The following GABRG1 variants were observed in gnomAD, a reference collection of about 807,000 sequenced individuals.
GABRG1 encodes the protein gamma-aminobutyric acid receptor subunit gamma-1.
In GABRG1, 49 loss-of-function variants were observed where a neutral mutation model predicts 49.8. The ratio of observed to expected loss-of-function variants is 0.98; its 90% CI spans 0.78 to 1.25. GABRG1 has a LOEUF of 1.25. Among genes scored for constraint, GABRG1 ranks in the 50% most tolerant of loss-of-function variants. GABRG1 has a pLI of 0.00. For synonymous variants in GABRG1, 232 were observed against 185.1 expected (o/e 1.25, Z -2.06); for missense variants, 552 against 552.3 (o/e 1.00, Z 0.01).
rs779178194 is a variant in GABRG1, at chr4:46,123,920, C to T, written c.-7G>A. ...AAGCTTTCAAAGGACCCATCGGAAT[C>T]GCTTTTTTACGTGTGCTGCACTAGC... On this transcript the variant is annotated 5_prime_UTR_variant, in exon 1 of 9. Coordinates refer to ENST00000295452, the MANE Select transcript of GABRG1 (RefSeq NM_173536.4). The T allele has an allele frequency of 3.1e-6, 5 of 1,606,100 alleles. No individual in the cohort carries two copies. The East Asian group carries it at 6.7e-5, about 22-fold the overall frequency.
chr4:46,052,519 G>A (rs1234342992), intron 7 of GABRG1, among the ~76,000 whole-genome samples: 1 of 151,838 alleles, frequency 6.6e-6, no homozygotes, highest in Non-Finnish European at 1.5e-5. Flanking sequence ...ATGTCCCCAA[G>A]GGTCCCAATC....
At chr4:46,120,121 G>C (rs898798595) in intron 1 of GABRG1, among the ~76,000 whole-genome samples, 7 of 151,638 alleles carry the variant, frequency 4.6e-5, no homozygotes, top group Non-Finnish European at 8.9e-5. Flanking sequence ...TGGTGGAGCT[G>C]AAACTGGAAT....
At chr4:46,117,637 C>CAT (rs1322007200) in intron 1 of GABRG1, among the ~76,000 whole-genome samples, 1 of 128,848 alleles carries the variant, frequency 7.8e-6, no homozygotes, top group South Asian at 2.4e-4. Flanking sequence ...CATATGTATA[C>CAT]ATATATACAT....
intron 1 of GABRG1, among the ~76,000 whole-genome samples, chr4:46,102,550 C>A (rs1720415997): frequency 6.6e-6 from 1 of 151,676 alleles, no homozygotes; most frequent in South Asian, 2.1e-4. Context: ...GTTTCCCAAG[C>A]ATTTCTCTCT....
rs1167750298 is a variant in GABRG1 at position 46,065,401 on chromosome 4, G to A, written c.505C>T (p.Arg169Ter). The change falls in exon 4 of 9, where the codon CGA becomes TGA. Residue 169 changes from arginine to a stop codon, truncating the protein, a stop_gained. Transcript: ENST00000295452. LOFTEE classifies it high-confidence loss of function. ...AGAACTCGTCCATCATTCCAAATTCGAAGCAGACGATTAGGAGTTGTTATC... is the reference window on the plus strand; with the variant it reads ...AGAACTCGTCCATCATTCCAAATTCAAAGCAGACGATTAGGAGTTGTTATC... The part of the protein sequence containing the change: ...HWITTPNRLL[R>*]IWNDGRVLYT... 3.1e-6 allele frequency: 5 copies of A among 1,612,862 alleles called. No individual in the cohort carries two copies. The highest frequency in any genetic ancestry group is 4.2e-6 in the Non-Finnish European group (5 of 1,179,280).
intron 2 of GABRG1, among the ~76,000 whole-genome samples, chr4:46,094,920 C>G (rs181830681): frequency 6.6e-5 from 10 of 151,882 alleles, no homozygotes; most frequent in Non-Finnish European, 1.0e-4. Context: ...AAAATTCCCA[C>G]ACAAAATAAT....
chr4:46,083,960 T>A, intron 3 of GABRG1, 26 bp downstream of exon 3: 1 of 1,252,528 alleles, frequency 8.0e-7, no homozygotes, highest in Non-Finnish European at 1.1e-6. Flanking sequence ...CTGTGGCAGT[T>A]ATTATTTTTA....
chr4:46,057,528 T>C (rs1234956992), intron 7 of GABRG1, among the ~76,000 whole-genome samples: 1 of 152,130 alleles, frequency 6.6e-6, no homozygotes, highest in East Asian at 1.9e-4. Flanking sequence ...TAAATAACTA[T>C]ACTGTAATTA....
In GABRG1 at chr4:46,040,580, C is replaced by G. The variant is rs1477954320; in HGVS notation, c.*408G>C. 1 of 152,752 alleles carries G rather than the reference C, an allele frequency of 6.5e-6. No individual in the cohort carries two copies. The highest frequency in any genetic ancestry group is 2.1e-4 in the South Asian group (1 of 4,834). 9.5% of individuals were successfully genotyped at this position (152,752 alleles called of 1,614,324 possible). On this transcript the variant is annotated 3_prime_UTR_variant, in exon 9 of 9. Transcript: ENST00000295452. ...AAAAAACAAATTAACAGTCTTTTTT[C>G]TGGCACAAAAGTTGCTACATAAATA...
At chr4:46,100,754 T>TA (rs1246326977) in intron 1 of GABRG1, among the ~76,000 whole-genome samples, 4 of 144,608 alleles carry the variant, frequency 2.8e-5, no homozygotes, top group Non-Finnish European at 6.1e-5. Context: ...ATGGTGGCAA[T>TA]ATTTTGATAA....
At chr4:46,067,714 G>C (rs1209736584) in intron 3 of GABRG1, among the ~76,000 whole-genome samples, 2 of 152,094 alleles carry the variant, frequency 1.3e-5, no homozygotes, top group Admixed American at 6.6e-5. Flanking sequence ...AAATCTGATA[G>C]CCACACCCTT....
chr4:46,089,578 T>G (rs139324044), intron 2 of GABRG1, among the ~76,000 whole-genome samples: 1 of 152,256 alleles, frequency 6.6e-6, no homozygotes, highest in Admixed American at 6.5e-5. Context: ...TGTCTTTTAA[T>G]CTGGATATTA....
chr4:46,042,524 C>T (rs979292465), intron 8 of GABRG1, among the ~76,000 whole-genome samples: 1 of 151,910 alleles, frequency 6.6e-6, no homozygotes, highest in African/African-American at 2.4e-5. Flanking sequence ...ATTGTTTTAA[C>T]CAGCTCTTAC....
At chr4:46,062,445 C>T (rs961528764) in intron 5 of GABRG1, among the ~76,000 whole-genome samples, 7 of 152,134 alleles carry the variant, frequency 4.6e-5, no homozygotes, top group African/African-American at 7.2e-5. Flanking sequence ...CCTGAGGAAT[C>T]GCCACACTGA....
In GABRG1 at chr4:46,039,626, T is replaced by C. The variant is rs1717678700; in HGVS notation, c.*1362A>G. 1 of 151,726 alleles carries C rather than the reference T, an allele frequency of 6.6e-6. No individual in the cohort carries two copies. Among genetic ancestry groups the C allele is most frequent in the African/African-American group, 2.4e-5 (1 of 41,404 alleles). 9.4% of individuals were successfully genotyped at this position (151,726 alleles called of 1,614,324 possible). A position where few individuals can be genotyped will look rare whatever the true frequency, so the allele number is the denominator to read the frequency against. ...AACCTGGTGGTTCTCCAGAAATTTA[T>C]GTGATGAATCTTATAAACAATTGGT... On this transcript the variant is annotated 3_prime_UTR_variant, in exon 9 of 9. Transcript: ENST00000295452.
intron 1 of GABRG1, among the ~76,000 whole-genome samples, chr4:46,111,943 T>C (rs911043727): frequency 6.6e-6 from 1 of 151,210 alleles, no homozygotes; most frequent in Non-Finnish European, 1.5e-5. Flanking sequence ...AAAGCAATTA[T>C]AGCTCAGTCC....
chr4:46,041,059 A>G lies in GABRG1; in HGVS notation c.1327T>C (p.Ser443Pro). ...HIRIAKIDSY[S>P]RIFFPTAFAL... Reference sequence around the variant, plus strand: ...AAAGCGGTTGGGAAAAATATTCTAGAATAAGAGTCAATTTTGGCAATGCGT... The same window carrying G: ...AAAGCGGTTGGGAAAAATATTCTAGGATAAGAGTCAATTTTGGCAATGCGT... The change falls in exon 9 of 9, where the codon TCT (serine) becomes CCT (proline). Residue 443 changes from serine (S) to proline (P), a missense_variant. Physicochemically the swap from Ser to Pro is moderately conservative, Grantham distance 74 (BLOSUM62 -1). Transcript: ENST00000295452. 4 of 1,613,058 alleles carry G rather than the reference A, an allele frequency of 2.5e-6. No individual in the cohort carries two copies. The highest frequency in any genetic ancestry group is 3.4e-6 in the Non-Finnish European group (4 of 1,179,346).
At chr4:46,078,961 C>G (rs897650186) in intron 3 of GABRG1, among the ~76,000 whole-genome samples, 2 of 151,654 alleles carry the variant, frequency 1.3e-5, no homozygotes, top group Non-Finnish European at 2.9e-5. Context: ...GGCCATTTCA[C>G]TTAAATAAAG....
At chr4:46,089,173 G>C (rs1719891335) in intron 2 of GABRG1, among the ~76,000 whole-genome samples, 2 of 151,970 alleles carry the variant, frequency 1.3e-5, no homozygotes, top group Admixed American at 1.3e-4. Context: ...CTGATGAAAG[G>C]AGTTAAGGCA....
Sources: gnomAD v4.1 joint callset for allele counts (sites outside exome capture counted in the v4.1 genomes callset) on GRCh38, gnomAD v4.1.1 for gene constraint, MANE v1.5 for transcripts, NCBI Gene and HGNC (gene_info 2026-07-23, HGNC 2026-07-21) for gene names.